The following KAZN variants were observed in gnomAD, a reference collection of about 807,000 sequenced individuals.
KAZN encodes kazrin.
A neutral mutation model predicts 87.4 loss-of-function variants in KAZN; 40 were observed. The observed-to-expected ratio is 0.46, with a 90% CI of 0.36 to 0.60. The LOEUF is 0.60. KAZN is among the 20% of genes least tolerant of loss of function. KAZN has a pLI of 0.00. For synonymous variants in KAZN, 466 were observed against 458.3 expected (o/e 1.02, Z -0.22); for missense variants, 898 against 1,073.9 (o/e 0.84, Z 2.29).
At chr1:14,378,817 A>G (rs1262303398) in intron 2 of KAZN, among the ~76,000 whole-genome samples, 1 of 152,118 alleles carries the variant, frequency 6.6e-6, no homozygotes, top group African/African-American at 2.4e-5. Context: ...AGTCTAGGCC[A>G]CAAAGATTGA....
At chr1:14,875,931 G>A (rs575455255) in intron 1 of KAZN, among the ~76,000 whole-genome samples, 5 of 152,206 alleles carry the variant, frequency 3.3e-5, no homozygotes, top group Admixed American at 6.5e-5. Context: ...AGAGATGCTC[G>A]GGAAGATGTG....
intron 1 of KAZN, among the ~76,000 whole-genome samples, chr1:14,798,968 G>T (rs919827532): frequency 3.9e-5 from 6 of 151,960 alleles, no homozygotes; most frequent in African/African-American, 1.5e-4. Context: ...ATAGAAATGG[G>T]GTTTTGCCAG....
rs546912560 is a variant in KAZN at position 14,388,238 on chromosome 1, C to T, written c.249+207646C>T. ...CTGGCACTCCCTAGTGAGATGAACC[C>T]GGTACCTCAGATGGAAATGCAGAAA... On this transcript the variant is annotated intron_variant, in intron 2 of 16. Transcript: ENST00000636203. 4.3e-3 allele frequency among the ~76,000 whole-genome samples: 656 copies of T among 152,264 alleles called. 2 individuals carry two copies. Among genetic ancestry groups the T allele is most frequent in the African/African-American group, 0.015 (629 of 41,550 alleles).
At chr1:14,452,421 A>T (rs1416991616) in intron 2 of KAZN, among the ~76,000 whole-genome samples, 1 of 152,190 alleles carries the variant, frequency 6.6e-6, no homozygotes, top group Non-Finnish European at 1.5e-5. Context: ...TTTAAAAAAT[A>T]AGTTTGGTTT....
At chr1:14,924,764 C>G (rs962866702) in intron 1 of KAZN, among the ~76,000 whole-genome samples, 1 of 152,046 alleles carries the variant, frequency 6.6e-6, no homozygotes, top group African/African-American at 2.4e-5. Flanking sequence ...AGTTCCTCGG[C>G]GTGGGGACCG....
intron 1 of KAZN, among the ~76,000 whole-genome samples, chr1:14,121,638 C>T (rs55932232): frequency 0.12 from 18,481 of 152,154 alleles, 1,207 homozygotes; most frequent in Middle Eastern, 0.17. Flanking sequence ...GCCCAAAGAT[C>T]CCTCCCTCAT....
chr1:14,048,882 C>T (rs1642188522), intron 1 of KAZN, among the ~76,000 whole-genome samples: 1 of 152,156 alleles, frequency 6.6e-6, no homozygotes, highest in African/African-American at 2.4e-5. Context: ...TTTACAGTCC[C>T]ACCAACAGTG....
intron 1 of KAZN, among the ~76,000 whole-genome samples, chr1:14,676,560 T>C (rs1410172418): frequency 1.2e-4 from 19 of 152,188 alleles, no homozygotes; most frequent in African/African-American, 4.6e-4. Context: ...TGTCCATGAG[T>C]TGATGAGTGG....
intron 2 of KAZN, among the ~76,000 whole-genome samples, chr1:14,255,119 C>CAAAAAAA (rs71570191): frequency 1.3e-4 from 11 of 83,698 alleles, no homozygotes; most frequent in South Asian, 4.8e-4. Context: ...GACTCTGTCT[C>CAAAAAAA]AAAAAAAAAA....
chr1:14,027,613 G>T (rs1236265889), intron 1 of KAZN, among the ~76,000 whole-genome samples: 2 of 152,058 alleles, frequency 1.3e-5, no homozygotes, highest in African/African-American at 4.8e-5. Flanking sequence ...AGTAATCAAT[G>T]TCAAAATAAT....
intron 1 of KAZN, among the ~76,000 whole-genome samples, chr1:14,945,330 G>A (rs1261642843): frequency 6.6e-6 from 1 of 152,192 alleles, no homozygotes; most frequent in Admixed American, 6.5e-5. Context: ...GCTGGAAACC[G>A]GGGCGCCCTG....
chr1:14,407,768 T>C (rs927760519), intron 2 of KAZN, among the ~76,000 whole-genome samples: 1 of 152,206 alleles, frequency 6.6e-6, no homozygotes, highest in Non-Finnish European at 1.5e-5. Context: ...GTCTTTTTTT[T>C]TAAAAAGACA....
At chr1:14,368,188 G>T (rs1432610116) in intron 2 of KAZN, among the ~76,000 whole-genome samples, 1 of 152,138 alleles carries the variant, frequency 6.6e-6, no homozygotes, top group African/African-American at 2.4e-5. Context: ...ACGGTGCAAG[G>T]AAAGAAAACA....
intron 2 of KAZN, among the ~76,000 whole-genome samples, chr1:14,275,048 T>C (rs1441901206): frequency 6.6e-6 from 1 of 152,170 alleles, no homozygotes; most frequent in Non-Finnish European, 1.5e-5. Flanking sequence ...ACTCTATGCA[T>C]ACATACATTT....
chr1:14,341,715 C>G (rs926250965), intron 2 of KAZN, among the ~76,000 whole-genome samples: 4 of 152,160 alleles, frequency 2.6e-5, no homozygotes, highest in Non-Finnish European at 2.9e-5. Context: ...CCAATCTGCC[C>G]ACTTCCCAAC....
intron 1 of KAZN, among the ~76,000 whole-genome samples, chr1:14,948,261 A>T (rs566350559): frequency 2.6e-5 from 4 of 152,350 alleles, no homozygotes; most frequent in South Asian, 2.1e-4. Context: ...CAGGGATAGG[A>T]TCTGGCTTCA....
intron 2 of KAZN, among the ~76,000 whole-genome samples, chr1:14,581,979 A>C (rs145280108): frequency 6.6e-6 from 1 of 151,946 alleles, no homozygotes; most frequent in Non-Finnish European, 1.5e-5. Context: ...GTATGTAGGC[A>C]TGTCTACCTC....
intron 1 of KAZN, among the ~76,000 whole-genome samples, chr1:14,000,771 C>A (rs903060908): frequency 2.0e-5 from 3 of 151,890 alleles, no homozygotes; most frequent in Admixed American, 1.3e-4. Flanking sequence ...TCTCTGTTTG[C>A]AGATGACATG....
chr1:14,567,324 T>C (rs1674602513), intron 2 of KAZN, among the ~76,000 whole-genome samples: 1 of 152,180 alleles, frequency 6.6e-6, no homozygotes, highest in African/African-American at 2.4e-5. Flanking sequence ...TCTTATATTG[T>C]TGTGGTTCAT....
Sources: gnomAD v4.1 joint callset for allele counts (sites outside exome capture counted in the v4.1 genomes callset) on GRCh38, gnomAD v4.1.1 for gene constraint, MANE v1.5 for transcripts, NCBI Gene and HGNC (gene_info 2026-07-23, HGNC 2026-07-21) for gene names.